Variants in VRK2 observed in about 807,000 individuals in gnomAD.
The protein encoded by VRK2 is VRK serine/threonine kinase 2.
Under a neutral mutation model 57.6 loss-of-function variants are expected in VRK2, and 60 were observed. That is an observed-to-expected ratio of 1.04 (90% CI 0.85 to 1.29). The LOEUF (loss-of-function observed/expected upper bound fraction) is 1.29. Among genes scored for constraint, VRK2 ranks in the 50% most tolerant of loss-of-function variants. The probability of loss-of-function intolerance (pLI) is 0.00; values close to 1 mark genes in which losing one functional copy is unlikely to be tolerated. For missense variants in VRK2, 705 were observed against 588.1 expected (o/e 1.20, Z -2.06); for synonymous variants, 231 against 199.2 (o/e 1.16, Z -1.35).
rs141509119 is a variant in VRK2 at position 58,050,291 on chromosome 2, T to C, written c.136+1324T>C. Among the ~76,000 whole-genome samples the C allele has an allele frequency of 5.4e-4, 83 of 152,320 alleles. No individual in the cohort carries two copies. The East Asian group carries it at 0.015, about 28-fold the overall frequency. On this transcript the variant is annotated intron_variant, in intron 2 of 12. Coordinates refer to ENST00000340157, the MANE Select transcript of VRK2 (RefSeq NM_006296.7). ...GAAAGTCTTCAAAATCCAAGGTGTA[T>C]CTAGTCTCAAGAGCCCAGTTAGCCC...
chr2:57,964,912 T>C (rs1671870591), intron 1 of VRK2, among the ~76,000 whole-genome samples: 1 of 139,708 alleles, frequency 7.2e-6, no homozygotes, highest in African/African-American at 2.7e-5. Context: ...AAAAAAACTG[T>C]CACTATAATG....
intron 1 of VRK2, among the ~76,000 whole-genome samples, chr2:57,958,449 G>GTA (rs556854093): frequency 1.1e-4 from 15 of 141,622 alleles, no homozygotes; most frequent in East Asian, 2.0e-4. Flanking sequence ...ATATATATTT[G>GTA]TATATATATA....
At chr2:57,955,846 G>A (rs1671570668) in intron 1 of VRK2, among the ~76,000 whole-genome samples, 1 of 152,086 alleles carries the variant, frequency 6.6e-6, no homozygotes, top group African/African-American at 2.4e-5. Context: ...TTAGCAAAAA[G>A]TAAAAATTTT....
At position 58,061,747 on chromosome 2, in the gene VRK2, C is replaced by T. The variant is rs140889309; in HGVS notation, c.136+12780C>T. 4.6e-3 allele frequency among the ~76,000 whole-genome samples: 701 copies of T among 151,912 alleles called. 6 individuals carry two copies. The highest frequency in any genetic ancestry group is 7.6e-3 in the Non-Finnish European group (517 of 67,874). ...GAGAATGCTATTGTTTATTTTTATC[C>T]TTGAAGAGAAAGCAGACCTTCAATA... is the stretch of plus-strand genomic sequence containing the variant. On this transcript the variant is annotated intron_variant, in intron 2 of 12. Transcript: ENST00000340157.
intron 7 of VRK2, among the ~76,000 whole-genome samples, chr2:58,093,148 G>A (rs1008331440): frequency 1.3e-5 from 2 of 152,198 alleles, no homozygotes; most frequent in African/African-American, 2.4e-5. Context: ...CTTTATAGCA[G>A]CATGATTTAT....
At chr2:58,150,300 A>T (rs1000259384) in intron 12 of VRK2, among the ~76,000 whole-genome samples, 15 of 151,234 alleles carry the variant, frequency 9.9e-5, no homozygotes, top group African/African-American at 3.6e-4. Flanking sequence ...ATATAGAGTG[A>T]TCATTAGATT....
chr2:58,059,875 T>C (rs543311621), intron 2 of VRK2, among the ~76,000 whole-genome samples: 1 of 151,970 alleles, frequency 6.6e-6, no homozygotes, highest in African/African-American at 2.4e-5. Flanking sequence ...AAACACAAGT[T>C]ACTACATTAA....
intron 2 of VRK2, among the ~76,000 whole-genome samples, chr2:58,062,082 T>G (rs970525188): frequency 1.3e-5 from 2 of 152,070 alleles, no homozygotes; most frequent in Admixed American, 1.3e-4. Context: ...AGCGTGGGCT[T>G]CATGCATGTC....
At chr2:58,027,905 G>A (rs1161191335) in intron 2 of VRK2, among the ~76,000 whole-genome samples, 1 of 152,128 alleles carries the variant, frequency 6.6e-6, no homozygotes, top group Non-Finnish European at 1.5e-5. Flanking sequence ...GAGATCTTAA[G>A]AAGAGGAATT....
At chr2:58,013,652 A>C (rs1673480192) in intron 1 of VRK2, among the ~76,000 whole-genome samples, 1 of 151,860 alleles carries the variant, frequency 6.6e-6, no homozygotes, top group Non-Finnish European at 1.5e-5. Context: ...CGGGCGGATC[A>C]CGAGGTCAGG....
At chr2:58,047,024 G>C in intron 1 of VRK2, 156 bp downstream of exon 1, 1 of 964,408 alleles carries the variant, frequency 1.0e-6, no homozygotes, top group Non-Finnish European at 1.2e-6. Flanking sequence ...CCCGGGCAGA[G>C]TCGCTGCTTC....
rs141818746 is a variant in VRK2 at position 57,925,657 on chromosome 2, A to G, written c.-439+17818A>G. ...AACAAATCAACTTTTCATTTTGTTGATCTTTTGAATTTTTTTCATTTCAGT... is the reference window on the plus strand; with the variant it reads ...AACAAATCAACTTTTCATTTTGTTGGTCTTTTGAATTTTTTTCATTTCAGT... On this transcript the variant is annotated intron_variant, in intron 1 of 15. Transcript: ENST00000417641. Among the ~76,000 whole-genome samples, 847 of 150,118 alleles carry G rather than the reference A, an allele frequency of 5.6e-3. 9 individuals are homozygous for G. Among genetic ancestry groups the G allele is most frequent in the Middle Eastern group, 0.02 (6 of 294 alleles).
chr2:58,149,008 G>C (rs1682586837), intron 12 of VRK2, among the ~76,000 whole-genome samples: 1 of 151,742 alleles, frequency 6.6e-6, no homozygotes, highest in South Asian at 2.1e-4. Context: ...TTAAGAAGCA[G>C]CTTGTTAGTT....
chr2:58,118,030 C>A (rs1307499229), intron 7 of VRK2, among the ~76,000 whole-genome samples: 1 of 152,126 alleles, frequency 6.6e-6, no homozygotes. Context: ...ATTGGGGGTT[C>A]TTGCCCCCTA....
chr2:58,004,042 A>G (rs1673169213), intron 1 of VRK2, among the ~76,000 whole-genome samples: 1 of 152,146 alleles, frequency 6.6e-6, no homozygotes, highest in Non-Finnish European at 1.5e-5. Context: ...ACTTTAATTC[A>G]AAGATTAATA....
At chr2:58,114,086 A>G (rs1479422672) in intron 7 of VRK2, among the ~76,000 whole-genome samples, 3 of 152,024 alleles carry the variant, frequency 2.0e-5, no homozygotes, top group Non-Finnish European at 4.4e-5. Flanking sequence ...AACATTTGTC[A>G]TATAGAATGA....
intron 1 of VRK2, among the ~76,000 whole-genome samples, chr2:57,917,466 C>A (rs1670194908): frequency 6.6e-6 from 1 of 150,414 alleles, no homozygotes; most frequent in East Asian, 1.9e-4. Flanking sequence ...GATGATAATG[C>A]CTGCTAATAC....
intron 1 of VRK2, among the ~76,000 whole-genome samples, chr2:57,994,965 T>C (rs1180195859): frequency 6.6e-6 from 1 of 152,206 alleles, no homozygotes; most frequent in Non-Finnish European, 1.5e-5. Context: ...TGTTGTGATA[T>C]CTTCCCTGTG....
chr2:57,936,217 C>G (rs1281853447), intron 1 of VRK2, among the ~76,000 whole-genome samples: 1 of 152,152 alleles, frequency 6.6e-6, no homozygotes, highest in Non-Finnish European at 1.5e-5. Context: ...TTTAACTGTC[C>G]AGCTTACTTG....
Sources: gnomAD v4.1 joint callset for allele counts (sites outside exome capture counted in the v4.1 genomes callset) on GRCh38, gnomAD v4.1.1 for gene constraint, MANE v1.5 for transcripts, NCBI Gene and HGNC (gene_info 2026-07-23, HGNC 2026-07-21) for gene names.